NREP: variants seen among roughly 807,000 people sequenced by gnomAD.
NREP encodes the protein neuronal regeneration-related protein.
A neutral mutation model predicts 8.6 loss-of-function variants in NREP; 5 were observed. The ratio of observed to expected loss-of-function variants is 0.58; its 90% CI spans 0.30 to 1.22. NREP has a LOEUF of 1.22. NREP is among the 50% of genes most tolerant of loss of function. The pLI is 0.07. For synonymous variants in NREP, 27 were observed against 28.0 expected (o/e 0.96, Z 0.11); for missense variants, 86 against 82.5 (o/e 1.04, Z -0.17).
chr5:111,941,134 C>G (rs571796420), intron 2 of NREP, among the ~76,000 whole-genome samples: 12 of 152,156 alleles, frequency 7.9e-5, no homozygotes, highest in South Asian at 4.1e-4. Flanking sequence ...GGACATCAAA[C>G]TTTTCTTTCA....
At chr5:111,814,681 C>A (rs1384124609) in intron 2 of NREP, among the ~76,000 whole-genome samples, 1 of 152,022 alleles carries the variant, frequency 6.6e-6, no homozygotes, top group Admixed American at 6.6e-5. Flanking sequence ...ATAAAAAATT[C>A]CCTCACTATT....
chr5:111,848,179 T>G (rs1177191137), intron 2 of NREP, among the ~76,000 whole-genome samples: 1 of 152,212 alleles, frequency 6.6e-6, no homozygotes, highest in Non-Finnish European at 1.5e-5. Flanking sequence ...ACAAGAAGAA[T>G]ATAATCAAAC....
chr5:111,826,950 A>G (rs1243889769), intron 2 of NREP, among the ~76,000 whole-genome samples: 6 of 152,162 alleles, frequency 3.9e-5, no homozygotes, highest in South Asian at 2.1e-4. Flanking sequence ...GCCAATTAAT[A>G]TTTGTTGGGT....
At chr5:111,895,030 C>T (rs1453998856) in intron 2 of NREP, among the ~76,000 whole-genome samples, 4 of 152,194 alleles carry the variant, frequency 2.6e-5, no homozygotes, top group Non-Finnish European at 5.9e-5. Context: ...GCTTTGGTTA[C>T]CATGCCTTTC....
Position 111,798,560 on chromosome 5 carries a change from T to C in NREP, c.136-63053A>G, listed in dbSNP as rs114199689. ...GTCCCCAAAGTCCAATATTTCATTC[T>C]TATGCCTTTGCATCCTCAGTCCTCA... On this transcript the variant is annotated intron_variant, in intron 2 of 3. Coordinates refer to the NREP transcript ENST00000395634. 1.5e-3 allele frequency among the ~76,000 whole-genome samples: 234 copies of C among 152,306 alleles called. 2 individuals carry two copies. Among genetic ancestry groups the C allele is most frequent in the African/African-American group, 5.4e-3 (225 of 41,568 alleles).
intron 2 of NREP, among the ~76,000 whole-genome samples, chr5:111,868,637 G>A (rs541130516): frequency 6.6e-6 from 1 of 152,274 alleles, no homozygotes; most frequent in Non-Finnish European, 1.5e-5. Context: ...AGCCATGCAT[G>A]TCTGAGTTTA....
chr5:111,923,543 G>T (rs937436558), intron 2 of NREP, among the ~76,000 whole-genome samples: 1 of 152,158 alleles, frequency 6.6e-6, no homozygotes, highest in Non-Finnish European at 1.5e-5. Context: ...TTAGCCAAAG[G>T]CCTCCTCTAG....
At chr5:111,938,650 G>GT (rs763403050) in intron 2 of NREP, among the ~76,000 whole-genome samples, 50 of 151,968 alleles carry the variant, frequency 3.3e-4, no homozygotes, top group Admixed American at 1.0e-3. Flanking sequence ...ATAATATCAT[G>GT]TTGGGGATAA....
intron 2 of NREP, among the ~76,000 whole-genome samples, chr5:111,815,879 C>G (rs777416485): frequency 1.3e-5 from 2 of 152,034 alleles, no homozygotes; most frequent in Non-Finnish European, 1.5e-5. Context: ...AGACACCACA[C>G]GTAAGATAAG....
chr5:111,899,951 G>C (rs1754602706), intron 2 of NREP, among the ~76,000 whole-genome samples: 2 of 152,016 alleles, frequency 1.3e-5, no homozygotes, highest in Admixed American at 1.3e-4. Flanking sequence ...AATCTGCCAA[G>C]AGACATTTAC....
intron 2 of NREP, among the ~76,000 whole-genome samples, chr5:111,969,806 G>C (rs888521627): frequency 9.2e-5 from 14 of 152,188 alleles, no homozygotes; most frequent in African/African-American, 3.4e-4. Context: ...TAAACCTTGA[G>C]ATTCTACAGC....
At chr5:111,797,255 G>GA (rs1252592681) in intron 2 of NREP, among the ~76,000 whole-genome samples, 1 of 152,086 alleles carries the variant, frequency 6.6e-6, no homozygotes, top group Non-Finnish European at 1.5e-5. Flanking sequence ...AAGTGTCAGA[G>GA]AAAAAAATTT....
intron 2 of NREP, among the ~76,000 whole-genome samples, chr5:111,769,872 A>G (rs1581103795): frequency 6.6e-6 from 1 of 152,210 alleles, no homozygotes; most frequent in East Asian, 1.9e-4. Flanking sequence ...CTCTTCCCCA[A>G]CACTGAGAAT....
At chr5:111,746,591 T>C (rs1011310327) in intron 2 of NREP, among the ~76,000 whole-genome samples, 2 of 152,158 alleles carry the variant, frequency 1.3e-5, no homozygotes, top group Non-Finnish European at 2.9e-5. Flanking sequence ...ACCCAGTCAA[T>C]AAAGACATAT....
At chr5:111,785,948 G>C (rs1264547665) in intron 2 of NREP, among the ~76,000 whole-genome samples, 2 of 152,080 alleles carry the variant, frequency 1.3e-5, no homozygotes, top group African/African-American at 4.8e-5. Context: ...ACAAGAGCAG[G>C]ATCTGGAAAG....
rs115720010 is a variant in NREP at position 111,887,041 on chromosome 5, A to C, written c.135+88233T>G. 4.0e-3 allele frequency among the ~76,000 whole-genome samples: 603 copies of C among 151,934 alleles called. 3 individuals carry two copies. Among genetic ancestry groups the C allele is most frequent in the African/African-American group, 0.014 (574 of 41,474 alleles). On this transcript the variant is annotated intron_variant, in intron 2 of 3. Transcript: ENST00000395634. ...CAGGCTCAAGTGATCCTCATGCCTCACCCTCCCAAACAACTGGGACTACAG... is the reference window on the plus strand; with the variant it reads ...CAGGCTCAAGTGATCCTCATGCCTCCCCCTCCCAAACAACTGGGACTACAG...
At chr5:111,849,763 G>C (rs958634337) in intron 2 of NREP, among the ~76,000 whole-genome samples, 1 of 152,076 alleles carries the variant, frequency 6.6e-6, no homozygotes, top group Non-Finnish European at 1.5e-5. Context: ...ACATTTTCTA[G>C]ACTCCCTTGT....
At chr5:111,880,523 C>G (rs1158502856) in intron 2 of NREP, among the ~76,000 whole-genome samples, 1 of 152,056 alleles carries the variant, frequency 6.6e-6, no homozygotes, top group East Asian at 1.9e-4. Flanking sequence ...GTGCATTTTT[C>G]TGGTTTCATT....
chr5:111,786,713 A>G (rs893445843), intron 2 of NREP, among the ~76,000 whole-genome samples: 1 of 152,192 alleles, frequency 6.6e-6, no homozygotes, highest in African/African-American at 2.4e-5. Flanking sequence ...TGTTGCATCT[A>G]AAGACAGCAC....
Sources: gnomAD v4.1 joint callset for allele counts (sites outside exome capture counted in the v4.1 genomes callset) on GRCh38, gnomAD v4.1.1 for gene constraint, MANE v1.5 for transcripts, NCBI Gene and HGNC (gene_info 2026-07-23, HGNC 2026-07-21) for gene names.